The following KCNQ1 variants were observed in gnomAD, a reference collection of about 807,000 sequenced individuals.
KCNQ1 encodes potassium voltage-gated channel subfamily Q member 1.
In KCNQ1, 49 loss-of-function variants were observed where a neutral mutation model predicts 72.4. The ratio of observed to expected loss-of-function variants is 0.68; its 90% CI spans 0.54 to 0.86. The LOEUF (loss-of-function observed/expected upper bound fraction) is 0.86. Ranked by LOEUF, KCNQ1 falls within the 40% of genes least tolerant of loss-of-function variation. KCNQ1 has a pLI of 0.00. For missense variants in KCNQ1, 790 were observed against 945.1 expected (o/e 0.84, Z 2.15); for synonymous variants, 450 against 412.6 (o/e 1.09, Z -1.10).
chr11:2,819,839 C>A (rs1019012088), intron 15 of KCNQ1, among the ~76,000 whole-genome samples: 2 of 152,162 alleles, frequency 1.3e-5, no homozygotes, highest in African/African-American at 4.8e-5. Flanking sequence ...ACCACATAAG[C>A]CACTTTTGGT....
rs1357073695 is a variant in KCNQ1 at position 2,654,122 on chromosome 11, G to C, written c.1394-7839G>C. On this transcript the variant is annotated intron_variant, in intron 10 of 15. Coordinates refer to ENST00000155840, the MANE Select transcript of KCNQ1 (RefSeq NM_000218.3). The surrounding 1 kb of genome is among the most constrained non-coding windows in gnomAD (Gnocchi z 6.4). ...CCTCTGAGTGGAGACACAGGTGGTG[G>C]CGGGGCCACTCTGGCTCAGGGTCTA... is the stretch of plus-strand genomic sequence containing the variant. 3 of 398,684 alleles carry C rather than the reference G, an allele frequency of 7.5e-6. No homozygotes were observed. Among genetic ancestry groups the C allele is most frequent in the Non-Finnish European group, 1.3e-5 (3 of 226,198 alleles). 24.7% of individuals were successfully genotyped at this position (398,684 alleles called of 1,614,324 possible). A position where few individuals can be genotyped will look rare whatever the true frequency, so the allele number is the denominator to read the frequency against.
intron 1 of KCNQ1, among the ~76,000 whole-genome samples, chr11:2,459,801 C>T (rs1564786921): frequency 6.6e-6 from 1 of 152,166 alleles, no homozygotes; most frequent in African/African-American, 2.4e-5. Context: ...GCAGGGATTC[C>T]CTTCTGCTTA....
chr11:2,504,501 A>T (rs1847068580), intron 1 of KCNQ1, among the ~76,000 whole-genome samples: 1 of 152,232 alleles, frequency 6.6e-6, no homozygotes, highest in Non-Finnish European at 1.5e-5. Context: ...CACAGCTGTA[A>T]TTTCAGCACT....
Position 2,695,045 on chromosome 11 carries a change from G to A in KCNQ1, c.1514+32964G>A. On this transcript the variant is annotated intron_variant, in intron 11 of 15. Coordinates refer to ENST00000155840, the MANE Select transcript of KCNQ1 (RefSeq NM_000218.3). The surrounding 1 kb of genome is among the most constrained non-coding windows in gnomAD (Gnocchi z 5.2). Reference sequence around the variant, plus strand: ...CAGAGAGGTAAGCAGGGCAGATCTTGTAAAAACCTGATGGAATTTGAATTT... The same window carrying A: ...CAGAGAGGTAAGCAGGGCAGATCTTATAAAAACCTGATGGAATTTGAATTT... 7.5e-6 allele frequency: 3 copies of A among 398,644 alleles called. No individual in the cohort carries two copies. Among genetic ancestry groups the A allele is most frequent in the Non-Finnish European group, 1.3e-5 (3 of 226,076 alleles). The allele number at this position is 398,644 out of a possible 1,614,324, so 24.7% of individuals were successfully genotyped here. A position where few individuals can be genotyped will look rare whatever the true frequency, so the allele number is the denominator to read the frequency against.
chr11:2,833,757 C>T (rs1848003166), intron 15 of KCNQ1, among the ~76,000 whole-genome samples: 1 of 152,234 alleles, frequency 6.6e-6, no homozygotes, highest in Admixed American at 6.5e-5. Flanking sequence ...GGGGCAAGTG[C>T]CCCGAGACGG....
Position 2,564,971 on chromosome 11 carries a change from C to T in KCNQ1, c.478-5657C>T, listed in dbSNP as rs1005847917. Among the ~76,000 whole-genome samples the T allele has an allele frequency of 3.3e-5, 5 of 152,340 alleles. No homozygotes were observed. The East Asian group carries it at 7.7e-4, about 23-fold the overall frequency. ...CGTGGTAGGGAGGGACCACATCTTC[C>T]GTCTCCGTCGGTGCACTGAGGGACA... On this transcript the variant is annotated intron_variant, in intron 2 of 15. Coordinates refer to ENST00000155840, the MANE Select transcript of KCNQ1 (RefSeq NM_000218.3). The surrounding 1 kb of genome is among the most constrained non-coding windows in gnomAD (Gnocchi z 4.5).
In KCNQ1 at chr11:2,450,328, T is replaced by C. The variant is rs1393153621; in HGVS notation, c.386+4844T>C. On this transcript the variant is annotated intron_variant, in intron 1 of 15. Coordinates refer to ENST00000155840, the MANE Select transcript of KCNQ1 (RefSeq NM_000218.3). This position sits in a 1 kb window ranked among gnomAD's most constrained non-coding sequence, Gnocchi z 7.9. ...ATGCCCAAGACGAGTTGCTGGTGTGTGGCCAGTGCTGGGAGAGCATGGTGT... is the reference window on the plus strand; with the variant it reads ...ATGCCCAAGACGAGTTGCTGGTGTGCGGCCAGTGCTGGGAGAGCATGGTGT... Among the ~76,000 whole-genome samples the C allele has an allele frequency of 6.6e-6, 1 of 152,138 alleles. No individual in the cohort carries two copies. Among genetic ancestry groups the C allele is most frequent in the Non-Finnish European group, 1.5e-5 (1 of 68,028 alleles).
chr11:2,763,536 A>G (rs183790051), intron 11 of KCNQ1, among the ~76,000 whole-genome samples: 1 of 152,240 alleles, frequency 6.6e-6, no homozygotes, highest in African/African-American at 2.4e-5. Context: ...ATGCTATTGT[A>G]ATTGATATGT....
In KCNQ1 at chr11:2,725,340, C is replaced by T. The variant is rs140362337; in HGVS notation, c.1515-43504C>T. On this transcript the variant is annotated intron_variant, in intron 11 of 15. Transcript: ENST00000155840. This position sits in a 1 kb window ranked among gnomAD's most constrained non-coding sequence, Gnocchi z 7.2. Reference sequence around the variant, plus strand: ...GAAATGTTCCCAGCTTTTTTGAGTTCGTGAGTGGCTGGTGGATACTTAGTG... The same window carrying T: ...GAAATGTTCCCAGCTTTTTTGAGTTTGTGAGTGGCTGGTGGATACTTAGTG... 2.0e-5 allele frequency among the ~76,000 whole-genome samples: 3 copies of T among 152,158 alleles called. No individual in the cohort carries two copies. Among genetic ancestry groups the T allele is most frequent in the African/African-American group, 4.8e-5 (2 of 41,416 alleles).
At chr11:2,574,097 C>A (rs74590241) in intron 6 of KCNQ1, among the ~76,000 whole-genome samples, 2,261 of 152,290 alleles carry the variant, frequency 0.015, 51 homozygotes, top group African/African-American at 0.051. Flanking sequence ...CACGTGGGTA[C>A]CCCGAGGGGA....
chr11:2,472,333 C>A (rs1846496102), intron 1 of KCNQ1, among the ~76,000 whole-genome samples: 1 of 145,408 alleles, frequency 6.9e-6, no homozygotes, highest in South Asian at 2.2e-4. Flanking sequence ...TGTATACGTG[C>A]ATGTCTGTGT....
Position 2,585,275 on chromosome 11 carries a change from C to A in KCNQ1, c.1096C>A (p.Arg366=), listed in dbSNP as rs199473411. ...QQKQRQKHFN[R]QIPAAASLIQ... is the part of the protein sequence containing the mutation. The stretch of plus-strand genomic sequence containing the variant: ...GAAGCAGAGGCAGAAGCACTTCAAC[C>A]GGCAGATCCCGGCGGCAGCCTCACT... The change falls in exon 8 of 16, where the codon CGG becomes AGG. Residue 366 remains arginine, a synonymous_variant. Coordinates refer to ENST00000155840, the MANE Select transcript of KCNQ1 (RefSeq NM_000218.3). The A allele has an allele frequency of 2.5e-6, 4 of 1,613,892 alleles. No homozygotes were observed. The highest frequency in any genetic ancestry group is 3.4e-6 in the Non-Finnish European group (4 of 1,180,010).
In KCNQ1 at chr11:2,693,395, C is replaced by T. The variant is rs1339902735; in HGVS notation, c.1514+31314C>T. On this transcript the variant is annotated intron_variant, in intron 11 of 15. Coordinates refer to ENST00000155840, the MANE Select transcript of KCNQ1 (RefSeq NM_000218.3). Reference sequence around the variant, plus strand: ...CCAAGCAGCAGTGTGTGGAGCTGGGCCTGGGCCTAAGCTGGGAATAAGCTT... The same window carrying T: ...CCAAGCAGCAGTGTGTGGAGCTGGGTCTGGGCCTAAGCTGGGAATAAGCTT... 10 of 398,704 alleles carry T rather than the reference C, an allele frequency of 2.5e-5. No individual in the cohort carries two copies. The East Asian group carries it at 3.6e-4, about 14-fold the overall frequency. 24.7% of individuals were successfully genotyped at this position (398,704 alleles called of 1,614,324 possible).
intron 2 of KCNQ1, among the ~76,000 whole-genome samples, chr11:2,553,767 G>A (rs973660747): frequency 6.6e-6 from 1 of 151,894 alleles, no homozygotes; most frequent in African/African-American, 2.4e-5. Context: ...CCAAGCTGGA[G>A]CGCAATGGCG....
chr11:2,530,672 C>T (rs1847605990), intron 2 of KCNQ1, among the ~76,000 whole-genome samples: 4 of 152,172 alleles, frequency 2.6e-5, no homozygotes, highest in African/African-American at 2.4e-5. Flanking sequence ...GGGACTTTCA[C>T]GCATGTTTGG....
rs1012580370 is a variant in KCNQ1, at chr11:2,450,720, T to C, written c.386+5236T>C. 2.0e-5 allele frequency among the ~76,000 whole-genome samples: 3 copies of C among 152,210 alleles called. No homozygotes were observed. The highest frequency in any genetic ancestry group is 6.5e-5 in the Admixed American group (1 of 15,300). On this transcript the variant is annotated intron_variant, in intron 1 of 15. Coordinates refer to ENST00000155840, the MANE Select transcript of KCNQ1 (RefSeq NM_000218.3). The surrounding 1 kb of genome is among the most constrained non-coding windows in gnomAD (Gnocchi z 7.9). ...CATGAGAAACCCCAGACCTCACAGA[T>C]GCAAAATTATCGTGGTTGACAAAGG...
At position 2,491,409 on chromosome 11, in the gene KCNQ1, A is replaced by G. The variant is rs569624545; in HGVS notation, c.387-36519A>G. Among the ~76,000 whole-genome samples, 1 of 152,330 alleles carries G rather than the reference A, an allele frequency of 6.6e-6. No individual in the cohort carries two copies. The highest frequency in any genetic ancestry group is 2.4e-5 in the African/African-American group (1 of 41,574). Reference sequence around the variant, plus strand: ...TAATAAAGAGATTAAAATAAGAATCAAGCAGAAATTCTGGAGTTGAAAAAT... The same window carrying G: ...TAATAAAGAGATTAAAATAAGAATCGAGCAGAAATTCTGGAGTTGAAAAAT... On this transcript the variant is annotated intron_variant, in intron 1 of 15. Coordinates refer to ENST00000155840, the MANE Select transcript of KCNQ1 (RefSeq NM_000218.3). The surrounding 1 kb of genome is among the most constrained non-coding windows in gnomAD (Gnocchi z 4.1).
chr11:2,803,420 C>T lies in KCNQ1; in HGVS notation c.1794+25383C>T, dbSNP rs1481309869. ...GTAGAATGATATTCCCTCCAGACCA[C>T]GGTGCCTTCTGGGCTCTGGAGAATG... On this transcript the variant is annotated intron_variant, in intron 15 of 15. Transcript: ENST00000155840. The surrounding 1 kb of genome is among the most constrained non-coding windows in gnomAD (Gnocchi z 6.4). Among the ~76,000 whole-genome samples the T allele has an allele frequency of 2.0e-5, 3 of 152,186 alleles. No homozygotes were observed. The highest frequency in any genetic ancestry group is 2.1e-4 in the South Asian group (1 of 4,834).
chr11:2,655,308 A>G (rs1334009395), intron 10 of KCNQ1: 1 of 398,528 alleles, frequency 2.5e-6, no homozygotes, highest in African/African-American at 2.1e-5. Context: ...TTAGGCCCAG[A>G]TCCTGGCCTT....
Sources: allele counts gnomAD v4.1 joint callset (sites outside exome capture counted in the v4.1 genomes callset), GRCh38; gene constraint gnomAD v4.1.1; non-coding constraint Gnocchi (gnomAD v3.1); transcripts MANE v1.5; gene names NCBI Gene and HGNC (gene_info 2026-07-23, HGNC 2026-07-21).